Variants in TPR observed in about 807,000 individuals in gnomAD.
The protein encoded by TPR is nucleoprotein TPR.
A neutral mutation model predicts 316.1 loss-of-function variants in TPR; 51 were observed. The observed-to-expected ratio is 0.16, with a 90% CI of 0.13 to 0.20. The LOEUF (loss-of-function observed/expected upper bound fraction) is 0.20. Among genes scored for constraint, TPR ranks in the 10% least tolerant of loss-of-function variants. TPR has a pLI of 1.00. For synonymous variants in TPR, 981 were observed against 914.7 expected, an observed-to-expected ratio of 1.07 and a Z score of -1.31; for missense variants, 2,272 against 2,754.8, an observed-to-expected ratio of 0.82 and a Z score of 3.92.
intron 49 of TPR, 29 bp from the exon 50 acceptor site, chr1:186,314,753 G>A (rs1449191725): frequency 6.7e-7 from 1 of 1,495,834 alleles, no homozygotes; most frequent in Non-Finnish European, 9.2e-7. Context: ...TAAAAGAAAA[G>A]CAAGTGAAAA....
At chr1:186,318,080 C>A (rs187270506) in intron 48 of TPR, among the ~76,000 whole-genome samples, 6 of 152,316 alleles carry the variant, frequency 3.9e-5, no homozygotes, top group Non-Finnish European at 7.4e-5. Flanking sequence ...ATCTTTCTCT[C>A]TTCCATTCAA....
intron 14 of TPR, 73 bp from the exon 15 acceptor site, chr1:186,356,522 C>G: frequency 7.2e-7 from 1 of 1,390,184 alleles, no homozygotes; most frequent in Non-Finnish European, 9.7e-7. Context: ...CTGTAATTAA[C>G]CAAGCATCTT....
At chr1:186,322,646 C>G (rs1657804436) in intron 43 of TPR, 60 bp from the exon 44 acceptor site, 1 of 1,529,740 alleles carries the variant, frequency 6.5e-7, no homozygotes, top group Admixed American at 1.7e-5. Flanking sequence ...GAAACAAACA[C>G]CAAATATCAA....
At chr1:186,371,122 T>C (rs1659512582) in intron 2 of TPR, 79 bp from the exon 3 acceptor site, 2 of 1,046,970 alleles carry the variant, frequency 1.9e-6, no homozygotes, top group Non-Finnish European at 2.9e-6. Context: ...CTGCCAACCT[T>C]ACATATTTTA....
At chr1:186,355,834 T>C (rs1000936458) in intron 15 of TPR, 66 bp from the exon 16 acceptor site, 16 of 1,559,420 alleles carry the variant, frequency 1.0e-5, no homozygotes, top group Non-Finnish European at 1.4e-5. Context: ...AATCTAATGC[T>C]TCTTTGCAAA....
intron 31 of TPR, among the ~76,000 whole-genome samples, chr1:186,337,419 T>C (rs567708964): frequency 1.3e-5 from 2 of 152,208 alleles, no homozygotes; most frequent in Admixed American, 6.5e-5. Context: ...TTCATGATAA[T>C]GAATCAAGTG....
chr1:186,321,022 T>C (rs1657761962), intron 45 of TPR, among the ~76,000 whole-genome samples: 1 of 152,188 alleles, frequency 6.6e-6, no homozygotes, highest in Non-Finnish European at 1.5e-5. Flanking sequence ...TTAATGTCTT[T>C]AGGAAACATG....
chr1:186,330,014 G>T (rs552775358), intron 39 of TPR, among the ~76,000 whole-genome samples: 26 of 151,972 alleles, frequency 1.7e-4, no homozygotes, highest in Admixed American at 3.3e-4. Context: ...GTATAATGAA[G>T]ATTAAATTAG....
Position 186,311,709 on chromosome 1 carries a change from ATTTTCAGTG to A in TPR, c.*2253_*2261del. 1 of 1,168,472 alleles carries A rather than the reference ATTTTCAGTG, an allele frequency of 8.6e-7. No individual in the cohort carries two copies. The highest frequency in any genetic ancestry group is 1.2e-6 in the Non-Finnish European group (1 of 809,506). 72.4% of individuals were successfully genotyped at this position (1,168,472 alleles called of 1,614,324 possible). ...ATATCTTTAATGGCTGAAATCAAATATTTTCAGTGAAAAAAATCAATATTGAGGGTAGTA... is the reference window on the plus strand; with the variant it reads ...ATATCTTTAATGGCTGAAATCAAATAAAAAAAATCAATATTGAGGGTAGTA... On this transcript the variant is annotated 3_prime_UTR_variant, in exon 51 of 51. Coordinates refer to ENST00000367478, the MANE Select transcript of TPR (RefSeq NM_003292.3).
In TPR at chr1:186,312,597, C is replaced by A; in HGVS notation, c.*1374G>T. The stretch of plus-strand genomic sequence containing the variant: ...TTTGTTCAGGTTTGTTAGTTATAAC[C>A]AATACTATTTATCAAGTACTTCTTA... On this transcript the variant is annotated 3_prime_UTR_variant, in exon 51 of 51. Coordinates refer to ENST00000367478, the MANE Select transcript of TPR (RefSeq NM_003292.3). The A allele has an allele frequency of 2.5e-6, 2 of 790,360 alleles. No individual in the cohort carries two copies. The highest frequency in any genetic ancestry group is 4.0e-6 in the Non-Finnish European group (2 of 498,014). 49.0% of individuals were successfully genotyped at this position (790,360 alleles called of 1,614,324 possible).
intron 31 of TPR, among the ~76,000 whole-genome samples, chr1:186,337,531 A>G (rs1011374691): frequency 6.7e-6 from 1 of 150,246 alleles, no homozygotes; most frequent in African/African-American, 2.5e-5. Flanking sequence ...AGTGGCTAAA[A>G]CAAAGGGGTA....
At chr1:186,346,395 G>T in intron 22 of TPR, 108 bp from the exon 23 acceptor site, 1 of 1,127,764 alleles carries the variant, frequency 8.9e-7, no homozygotes, top group Non-Finnish European at 1.2e-6. Context: ...ATTAATGTTT[G>T]TTGTATATTA....
At chr1:186,366,082 T>C (rs139212358) in intron 4 of TPR, among the ~76,000 whole-genome samples, 7 of 152,322 alleles carry the variant, frequency 4.6e-5, no homozygotes, top group African/African-American at 2.4e-5. Flanking sequence ...ACTGAAACTA[T>C]AGCAAACGGT....
intron 14 of TPR, 54 bp downstream of exon 14, chr1:186,357,343 A>C: frequency 1.3e-6 from 2 of 1,565,198 alleles, no homozygotes; most frequent in Admixed American, 1.7e-5. Flanking sequence ...CACTGAGCCT[A>C]GCTGAGGTTT....
chr1:186,327,740 T>C, intron 39 of TPR, 80 bp from the exon 40 acceptor site: 1 of 1,260,646 alleles, frequency 7.9e-7, no homozygotes, highest in Middle Eastern at 2.1e-4. Context: ...TTATTATAGG[T>C]CAAAGTAAAG....
intron 17 of TPR, among the ~76,000 whole-genome samples, chr1:186,355,154 C>T (rs953955092): frequency 2.6e-5 from 4 of 152,162 alleles, no homozygotes; most frequent in Non-Finnish European, 5.9e-5. Context: ...ACCCACCTGC[C>T]TCGGCTTCCC....
In TPR at chr1:186,322,573, G is replaced by A; in HGVS notation, c.6311C>T (p.Thr2104Ile). 1.9e-6 allele frequency: 3 copies of A among 1,614,002 alleles called. No individual in the cohort carries two copies. Among genetic ancestry groups the A allele is most frequent in the Non-Finnish European group, 2.5e-6 (3 of 1,179,952 alleles). Reference protein sequence around the residue: ...LGPPVQRIQMTRRQSVGRGLQ... With the variant: ...LGPPVQRIQMIRRQSVGRGLQ... ...GCCACGTCCTACAGACTGCCTTCGGGTCATCTGAATTCTCTGCGTGTCAAG... is the reference window on the plus strand; with the variant it reads ...GCCACGTCCTACAGACTGCCTTCGGATCATCTGAATTCTCTGCGTGTCAAG... Residue 2104 changes from threonine (T) to isoleucine (I), a missense_variant, in exon 44 of 51, where the codon ACC becomes ATC. Transcript: ENST00000367478.
intron 27 of TPR, chr1:186,342,483 A>G (rs1458697707): frequency 6.6e-6 from 1 of 152,216 alleles, no homozygotes; most frequent in East Asian, 1.9e-4. Flanking sequence ...TCCTCCAAGT[A>G]TTAACTCTAT....
intron 16 of TPR, 38 bp from the exon 17 acceptor site, chr1:186,355,596 C>T: frequency 6.2e-7 from 1 of 1,613,476 alleles, no homozygotes; most frequent in East Asian, 2.2e-5. Flanking sequence ...ACACTGTGTT[C>T]TCTAAAAACC....
Sources: allele counts gnomAD v4.1 joint callset (sites outside exome capture counted in the v4.1 genomes callset), GRCh38; gene constraint gnomAD v4.1.1; transcripts MANE v1.5; gene names NCBI Gene and HGNC (gene_info 2026-07-23, HGNC 2026-07-21).